SENP6: variants seen among roughly 807,000 people sequenced by gnomAD.
SENP6 encodes the protein SUMO specific peptidase 6.
A neutral mutation model predicts 134.5 loss-of-function variants in SENP6; 41 were observed. That is an observed-to-expected ratio of 0.30 (90% CI 0.24 to 0.40). The LOEUF (loss-of-function observed/expected upper bound fraction) is 0.40, where lower values mean the gene tolerates loss of function less well. SENP6 is among the 10% of genes least tolerant of loss of function. The pLI, the probability that SENP6 is intolerant of heterozygous loss-of-function variation, is 1.00. For missense variants in SENP6, 1,248 were observed against 1,312.5 expected, an observed-to-expected ratio of 0.95 and a Z score of 0.76; for synonymous variants, 395 against 429.8, an observed-to-expected ratio of 0.92 and a Z score of 1.00.
At position 75,620,772 on chromosome 6, in the gene SENP6, A is replaced by G. The variant is rs1246827418; in HGVS notation, c.53-760A>G. ...TTTTTGTTCTGTTTTGTTTTTCCCT[A>G]GTTCACCAAGTCAGAGCGTTGCCCT... On this transcript the variant is annotated intron_variant, in intron 1 of 23. Coordinates refer to ENST00000447266, the MANE Select transcript of SENP6 (RefSeq NM_015571.4). The G allele has an allele frequency of 3.9e-5, 6 of 152,136 alleles. No homozygotes were observed. In the East Asian group the frequency reaches 9.6e-4, roughly 24 times the overall value. 9.4% of individuals were successfully genotyped at this position (152,136 alleles called of 1,614,324 possible).
intron 21 of SENP6, 91 bp from the exon 22 acceptor site, chr6:75,713,422 A>T: frequency 1.8e-6 from 2 of 1,112,592 alleles, no homozygotes; most frequent in East Asian, 4.7e-5. Flanking sequence ...GAAGGTTTTA[A>T]ATTTGATTGT....
chr6:75,652,698 A>AAAAAAAAAGAAAAAG (rs1554166656), intron 7 of SENP6, among the ~76,000 whole-genome samples: 1 of 148,624 alleles, frequency 6.7e-6, no homozygotes, highest in African/African-American at 2.5e-5. Flanking sequence ...AAAAAAAAAA[A>AAAAAAAAAGAAAAAG]AAAAAGAAAA....
chr6:75,709,615 A>C lies in SENP6; in HGVS notation c.2805A>C (p.Glu935Asp). Residue 935 changes from glutamate to aspartate, a missense_variant, in exon 20 of 24, where the codon GAA becomes GAC. Around this residue, in one of 3 missense-constraint regions of SENP6, gnomAD observed 386 missense variants for 395.0 expected, o/e 0.98. Coordinates refer to ENST00000447266, the MANE Select transcript of SENP6 (RefSeq NM_015571.4). ...AAGATGAACTCGTCGACTTCTCAGA[A>C]GATCAGGATAACCAGGTAAAACTTA... ...MLEDELVDFS[E>D]DQDNQDDSSD... 6.2e-7 allele frequency: 1 copy of C among 1,613,350 alleles called. No homozygotes were observed. The highest frequency in any genetic ancestry group is 8.5e-7 in the Non-Finnish European group (1 of 1,179,318).
chr6:75,651,343 A>G (rs551358566), intron 7 of SENP6, among the ~76,000 whole-genome samples: 2 of 152,174 alleles, frequency 1.3e-5, no homozygotes, highest in African/African-American at 4.8e-5. Flanking sequence ...TGCTTAACAC[A>G]TGTTAACTTT....
chr6:75,683,273 G>GT (rs1285144327), intron 16 of SENP6, among the ~76,000 whole-genome samples: 1 of 151,876 alleles, frequency 6.6e-6, no homozygotes, highest in African/African-American at 2.4e-5. Flanking sequence ...TTGTAAATTT[G>GT]TTTGAGTTCA....
chr6:75,712,456 C>T (rs1246273629), intron 21 of SENP6, among the ~76,000 whole-genome samples: 5 of 151,782 alleles, frequency 3.3e-5, no homozygotes, highest in African/African-American at 4.8e-5. Context: ...GCAGGAGGAC[C>T]GCATGAGGCC....
intron 7 of SENP6, among the ~76,000 whole-genome samples, chr6:75,654,718 T>C (rs559776505): frequency 2.6e-4 from 39 of 152,360 alleles, no homozygotes; most frequent in Non-Finnish European, 5.0e-4. Context: ...GTCTGGGTAC[T>C]TATTTTTCAG....
intron 5 of SENP6, among the ~76,000 whole-genome samples, chr6:75,638,406 C>A (rs1769694020): frequency 2.0e-5 from 3 of 149,862 alleles, no homozygotes; most frequent in Non-Finnish European, 4.4e-5. Context: ...TTTATTTTAA[C>A]ATGAAAGCAA....
intron 1 of SENP6, among the ~76,000 whole-genome samples, chr6:75,605,829 TAGG>T (rs147497669): frequency 0.075 from 11,422 of 152,142 alleles, 489 homozygotes; most frequent in Non-Finnish European, 0.096. Context: ...TGGAATTAAT[TAGG>T]GGGCAAGATT....
chr6:75,703,091 T>G lies in SENP6; in HGVS notation c.2716+19T>G. 1 of 1,511,638 alleles carries G rather than the reference T, an allele frequency of 6.6e-7. No individual in the cohort carries two copies. Among genetic ancestry groups the G allele is most frequent in the East Asian group, 2.3e-5 (1 of 44,072 alleles). 93.6% of individuals were successfully genotyped at this position (1,511,638 alleles called of 1,614,324 possible). On this transcript the variant is annotated intron_variant, in intron 19 of 23. Transcript: ENST00000447266. ...CATACAGGTATGTATCTAAATGTTTTGAAAGAATGAAAAAATTCAGAATAA... is the reference window on the plus strand; with the variant it reads ...CATACAGGTATGTATCTAAATGTTTGGAAAGAATGAAAAAATTCAGAATAA...
intron 5 of SENP6, among the ~76,000 whole-genome samples, chr6:75,636,321 T>TA (rs1769511174): frequency 6.6e-6 from 1 of 152,338 alleles, no homozygotes; most frequent in South Asian, 2.1e-4. Context: ...AGATTCTACT[T>TA]ACATTTGTCT....
intron 7 of SENP6, among the ~76,000 whole-genome samples, chr6:75,657,056 A>T (rs1028524606): frequency 1.4e-4 from 22 of 152,178 alleles, no homozygotes; most frequent in African/African-American, 5.3e-4. Context: ...AACTAATTAG[A>T]TACATGTTTG....
chr6:75,631,609 A>G (rs1423409818), intron 3 of SENP6, among the ~76,000 whole-genome samples: 1 of 152,220 alleles, frequency 6.6e-6, no homozygotes, highest in Non-Finnish European at 1.5e-5. Context: ...TAAAACTCAA[A>G]TCTGTGTCCA....
intron 7 of SENP6, among the ~76,000 whole-genome samples, chr6:75,655,614 T>C (rs2149857239): frequency 6.6e-6 from 1 of 152,324 alleles, no homozygotes; most frequent in Middle Eastern, 3.4e-3. Flanking sequence ...GACTCATCCA[T>C]CCTGGTGCTT....
intron 17 of SENP6, among the ~76,000 whole-genome samples, 182 bp from the exon 18 acceptor site, chr6:75,697,243 G>C (rs1203812761): frequency 1.3e-5 from 2 of 152,132 alleles, no homozygotes; most frequent in African/African-American, 4.8e-5. Context: ...TTCAACAATG[G>C]GTAGTCCCAT....
intron 5 of SENP6, among the ~76,000 whole-genome samples, chr6:75,637,330 C>T (rs1388717537): frequency 2.0e-5 from 3 of 152,124 alleles, no homozygotes; most frequent in East Asian, 1.9e-4. Context: ...AATATGGGAA[C>T]GAGTGCTTTA....
At chr6:75,611,754 A>G (rs1234208167) in intron 1 of SENP6, 2 of 152,216 alleles carry the variant, frequency 1.3e-5, no homozygotes, top group East Asian at 3.9e-4. Context: ...TGGAATAGGT[A>G]TCATTGCTAG....
At chr6:75,668,696 C>A (rs1772437600) in intron 10 of SENP6, among the ~76,000 whole-genome samples, 1 of 152,170 alleles carries the variant, frequency 6.6e-6, no homozygotes. Context: ...GGCTGGACTG[C>A]AAAAATGCTC....
At chr6:75,607,346 G>C (rs1767103812) in intron 1 of SENP6, among the ~76,000 whole-genome samples, 1 of 152,012 alleles carries the variant, frequency 6.6e-6, no homozygotes, top group South Asian at 2.1e-4. Context: ...GAGCTTCAGA[G>C]AGGGGCAGCA....
Sources: allele counts gnomAD v4.1 joint callset (sites outside exome capture counted in the v4.1 genomes callset), GRCh38; gene constraint gnomAD v4.1.1; regional missense constraint gnomAD v4.1.1; transcripts MANE v1.5; gene names NCBI Gene and HGNC (gene_info 2026-07-23, HGNC 2026-07-21).